LINC00632: variants seen among roughly 807,000 people sequenced by gnomAD.
The protein encoded by LINC00632 is ALDOA related specific transcript.
chrX:140,772,354 A>T (rs1233146518), exon 4 of LINC00632: 14 of 293,670 alleles, frequency 4.8e-5, no homozygotes, highest in Non-Finnish European at 5.9e-6. Context: ...GTCATACAAA[A>T]ACTGGTTAGC....
intron 2 of LINC00632, among the ~76,000 whole-genome samples, chrX:140,731,696 C>T (rs2034185178): frequency 9.1e-6 from 1 of 109,774 alleles, no homozygotes; most frequent in Non-Finnish European, 1.9e-5. Flanking sequence ...CATAGACATG[C>T]AGAAGCTCAC....
chrX:140,788,323 CATTAA>C lies in LINC00632; in HGVS notation n.16345_16349del, dbSNP rs1932047998. The stretch of plus-strand genomic sequence containing the variant: ...TTAATAATTTTATGATTATTATTAA[CATTAA>C]ATAAAAAGGCAAGTTAATGAGTAAA... On this transcript the variant is annotated non_coding_transcript_exon_variant, in exon 5 of 5. Coordinates refer to ENST00000648200, the Ensembl canonical transcript of LINC00632. Among the ~76,000 whole-genome samples the C allele has an allele frequency of 2.7e-5, 3 of 109,904 alleles. No homozygotes were observed. The South Asian group carries it at 1.1e-3, about 42-fold the overall frequency.
chrX:140,786,761 A>T (rs1437737268), exon 5 of LINC00632, among the ~76,000 whole-genome samples: 1 of 111,841 alleles, frequency 8.9e-6, no homozygotes, highest in Non-Finnish European at 1.9e-5. Flanking sequence ...GGTATAGTGA[A>T]AAACAGAAAA....
chrX:140,762,783 C>A (rs1433359758), intron 3 of LINC00632, among the ~76,000 whole-genome samples: 1 of 112,141 alleles, frequency 8.9e-6, no homozygotes. Context: ...ATAACTTACA[C>A]TTGTCACAAA....
chrX:140,717,235 G>C (rs748303406), intron 2 of LINC00632, among the ~76,000 whole-genome samples: 1 of 110,590 alleles, frequency 9.0e-6, no homozygotes, highest in South Asian at 3.9e-4. Context: ...CCTGCCTCAG[G>C]CTCCCAAAGT....
At chrX:140,775,600 C>A (rs553299067) in exon 5 of LINC00632, among the ~76,000 whole-genome samples, 1 of 111,853 alleles carries the variant, frequency 8.9e-6, no homozygotes, top group East Asian at 2.8e-4. Flanking sequence ...CAGCACTGGC[C>A]TCATCATTAT....
chrX:140,757,960 A>T (rs1278223023), intron 3 of LINC00632, among the ~76,000 whole-genome samples: 1 of 111,577 alleles, frequency 9.0e-6, no homozygotes, highest in Non-Finnish European at 1.9e-5. Context: ...CTGAAATGTC[A>T]TTTCTCTTTT....
intron 2 of LINC00632, among the ~76,000 whole-genome samples, chrX:140,728,836 A>C: frequency 9.0e-6 from 1 of 111,564 alleles, no homozygotes; most frequent in East Asian, 2.8e-4. Flanking sequence ...AACGTGCTCC[A>C]CAACACTCAG....
At position 140,784,382 on chromosome X, in the gene LINC00632, C is replaced by T. The variant is rs1170341879; in HGVS notation, n.12401C>T. On this transcript the variant is annotated non_coding_transcript_exon_variant, in exon 5 of 5. Coordinates refer to ENST00000648200, the Ensembl canonical transcript of LINC00632. ...ACCAAGCCATGTCTTCCAGAAAATC[C>T]ACGTCTTCCAGAAAATATATGTCTT... The T allele has an allele frequency of 3.3e-6, 4 of 1,204,353 alleles. No individual in the cohort carries two copies. The Admixed American group carries it at 6.6e-5, about 20-fold the overall frequency.
intron 3 of LINC00632, among the ~76,000 whole-genome samples, chrX:140,743,661 G>A (rs1258796360): frequency 9.0e-6 from 1 of 111,548 alleles, no homozygotes; most frequent in East Asian, 2.8e-4. Flanking sequence ...TATGGGGCTT[G>A]CACAGAGTCT....
intron 3 of LINC00632, among the ~76,000 whole-genome samples, chrX:140,735,483 A>G (rs1391483039): frequency 2.7e-5 from 3 of 112,099 alleles, no homozygotes; most frequent in Non-Finnish European, 5.6e-5. Context: ...TTCATTATAC[A>G]CATAAAAGGT....
chrX:140,719,406 C>T (rs1233119449), intron 2 of LINC00632, among the ~76,000 whole-genome samples: 1 of 110,416 alleles, frequency 9.1e-6, no homozygotes, highest in African/African-American at 3.3e-5. Flanking sequence ...TCTAGCGATT[C>T]TTCTGCTGCA....
intron 2 of LINC00632, among the ~76,000 whole-genome samples, chrX:140,725,154 CACACACATTCCATACACATACACAG>C (rs1316547544): frequency 9.9e-6 from 1 of 100,833 alleles, no homozygotes; most frequent in Non-Finnish European, 2.0e-5. Context: ...CATACCAACA[CACACACATTCCATACACATACACAG>C]ACACACATTC....
At chrX:140,728,337 T>G (rs1424772894) in intron 2 of LINC00632, among the ~76,000 whole-genome samples, 1 of 111,059 alleles carries the variant, frequency 9.0e-6, no homozygotes, top group East Asian at 2.8e-4. Context: ...AGGACACATG[T>G]ACCCTATGAC....
chrX:140,729,567 C>G (rs887424658), intron 2 of LINC00632, among the ~76,000 whole-genome samples: 19 of 111,233 alleles, frequency 1.7e-4, no homozygotes, highest in African/African-American at 6.2e-4. Flanking sequence ...ACCACAACAC[C>G]TGGACATGCC....
chrX:140,789,203 TA>T (rs1322294173), exon 5 of LINC00632, among the ~76,000 whole-genome samples: 28 of 108,705 alleles, frequency 2.6e-4, no homozygotes, highest in African/African-American at 8.7e-4. Context: ...TTAAATGTTA[TA>T]ATAATAGAAT....
At chrX:140,742,714 C>T (rs1474088756) in intron 3 of LINC00632, among the ~76,000 whole-genome samples, 1 of 109,675 alleles carries the variant, frequency 9.1e-6, no homozygotes, top group African/African-American at 3.3e-5. Flanking sequence ...AAAATTCCGG[C>T]ACGACAACAA....
At chrX:140,722,646 C>A (rs984380984) in intron 2 of LINC00632, among the ~76,000 whole-genome samples, 1 of 111,149 alleles carries the variant, frequency 9.0e-6, no homozygotes, top group African/African-American at 3.3e-5. Flanking sequence ...CAAAACCAGA[C>A]ACGCCTTATA....
intron 2 of LINC00632, chrX:140,712,377 A>T (rs1210774721): frequency 1.0e-5 from 1 of 100,328 alleles, no homozygotes; most frequent in Admixed American, 1.1e-4. Context: ...AAAAAAAAAT[A>T]CCCCCGGGGT....
Sources: allele counts gnomAD v4.1 joint callset (sites outside exome capture counted in the v4.1 genomes callset), GRCh38; gene constraint gnomAD v4.1.1; transcripts MANE v1.5; gene names NCBI Gene and HGNC (gene_info 2026-07-23, HGNC 2026-07-21).